Variants in ANKRD26 observed in about 807,000 individuals in gnomAD.
ANKRD26 encodes ankyrin repeat domain 26, also known as ankyrin repeat domain-containing protein 26.
In ANKRD26, 141 loss-of-function variants were observed where a neutral mutation model predicts 208.7. The observed-to-expected ratio is 0.68, with a 90% CI of 0.59 to 0.78. The LOEUF (loss-of-function observed/expected upper bound fraction) is 0.78, where lower values mean the gene tolerates loss of function less well. Among genes scored for constraint, ANKRD26 ranks in the 30% least tolerant of loss-of-function variants. ANKRD26 has a pLI of 0.00. For synonymous variants in ANKRD26, 636 were observed against 660.4 expected (o/e 0.96, Z 0.57); for missense variants, 1,889 against 1,938.7 (o/e 0.97, Z 0.48).
chr10:27,022,647 C>A lies in ANKRD26; in HGVS notation c.4126G>T (p.Glu1376Ter). 1 of 1,581,614 alleles carries A rather than the reference C, an allele frequency of 6.3e-7. No individual in the cohort carries two copies. The highest frequency in any genetic ancestry group is 1.1e-5 in the South Asian group (1 of 90,176). Residue 1376 changes from glutamate (E) to a stop codon, truncating the protein, a stop_gained, in exon 29 of 34, where the codon GAA becomes TAA. Coordinates refer to ENST00000376087, the MANE Select transcript of ANKRD26 (RefSeq NM_014915.3). LOFTEE classifies it high-confidence loss of function. ...AAACTAAATTCTCCATTTTCATATTCATTTAACTTCTTTCTTGTCATTTTT... is the reference window on the plus strand; with the variant it reads ...AAACTAAATTCTCCATTTTCATATTAATTTAACTTCTTTCTTGTCATTTTT... ...LLKMTRKKLN[E>*]YENGEFSFHG...
chr10:26,948,424 A>T, the ANKRD26 span, among the ~76,000 whole-genome samples: 1 of 152,214 alleles, frequency 6.6e-6, no homozygotes, highest in Non-Finnish European at 1.5e-5. Flanking sequence ...CTCAGACTTC[A>T]TTCGGGAAAA....
chr10:26,956,816 T>C, the ANKRD26 span, among the ~76,000 whole-genome samples: 50,320 of 151,982 alleles, frequency 0.33, 10,603 homozygotes, highest in Non-Finnish European at 0.47. Context: ...CTTATGCAAA[T>C]AGAATTATTT....
intron 1 of ANKRD26, among the ~76,000 whole-genome samples, chr10:27,099,695 T>C (rs1257470502): frequency 6.6e-6 from 1 of 152,236 alleles, no homozygotes; most frequent in East Asian, 1.9e-4. Flanking sequence ...ACAGATTTTA[T>C]AGAAATAATT....
chr10:27,014,809 A>G (rs2053237171), intron 30 of ANKRD26, 98 bp from the exon 31 acceptor site: 9 of 935,954 alleles, frequency 9.6e-6, no homozygotes, highest in Non-Finnish European at 1.5e-5. Context: ...TTTTAACCCA[A>G]ACTCCAAAAA....
Position 27,046,386 on chromosome 10 carries a change from C to T in ANKRD26, c.1952G>A (p.Ser651Asn), listed in dbSNP as rs1271668370. 1.9e-6 allele frequency: 3 copies of T among 1,613,976 alleles called. No homozygotes were observed. Among genetic ancestry groups the T allele is most frequent in the East Asian group, 2.2e-5 (1 of 44,882 alleles). Residue 651 changes from serine (S) to asparagine (N), a missense_variant, in exon 18 of 34, where the codon AGC becomes AAC. This residue lies in a region of ANKRD26 where 1,272 missense variants were observed against 1,273.8 expected (regional missense o/e 1.00). Transcript: ENST00000376087. ...ATCCTCATCTATTTCACTTAAACTGCTGTCATCATCCACTTGTAGCAGGCC... is the reference window on the plus strand; with the variant it reads ...ATCCTCATCTATTTCACTTAAACTGTTGTCATCATCCACTTGTAGCAGGCC... Reference protein sequence around the residue: ...TGGLLQVDDDSSLSEIDEDEG... With the variant: ...TGGLLQVDDDNSLSEIDEDEG...
At chr10:27,008,921 C>T (rs1024068106) in intron 32 of ANKRD26, among the ~76,000 whole-genome samples, 1 of 152,104 alleles carries the variant, frequency 6.6e-6, no homozygotes, top group Non-Finnish European at 1.5e-5. Context: ...CTCACTGTAA[C>T]CTCTGCCTCC....
chr10:26,980,910 A>G (rs2052297751), intron 4 of ANKRD26, among the ~76,000 whole-genome samples: 1 of 152,192 alleles, frequency 6.6e-6, no homozygotes, highest in Non-Finnish European at 1.5e-5. Context: ...ATAAAGCACT[A>G]GAGAGTTATC....
At chr10:26,952,556 A>G in the ANKRD26 span, among the ~76,000 whole-genome samples, 2 of 152,138 alleles carry the variant, frequency 1.3e-5, no homozygotes, top group African/African-American at 4.8e-5. Context: ...TTCCAATAAA[A>G]CTGATACTGA....
intron 20 of ANKRD26, 95 bp downstream of exon 20, chr10:27,043,325 GAAGCAC>G: frequency 7.4e-7 from 1 of 1,353,936 alleles, no homozygotes; most frequent in Non-Finnish European, 1.0e-6. Flanking sequence ...AGCCACCAAT[GAAGCAC>G]TGCAAAATGT....
At chr10:27,069,696 A>ATT (rs1218299830) in intron 9 of ANKRD26, among the ~76,000 whole-genome samples, 9 of 152,246 alleles carry the variant, frequency 5.9e-5, no homozygotes. Flanking sequence ...TCTTAAGTAG[A>ATT]TAAATATTTG....
chr10:26,949,886 CTTTGAG>C, the ANKRD26 span, among the ~76,000 whole-genome samples: 4 of 152,176 alleles, frequency 2.6e-5, no homozygotes, highest in African/African-American at 9.7e-5. Flanking sequence ...CCTTTGATAT[CTTTGAG>C]TTTATCACCT....
At chr10:26,988,264 CTA>C (rs1260476659), downstream of ANKRD26, among the ~76,000 whole-genome samples, 1 of 152,148 alleles carries the variant, frequency 6.6e-6, no homozygotes, top group African/African-American at 2.4e-5. Context: ...TCTCACTCTA[CTA>C]GGGTTAATAC....
intron 9 of ANKRD26, among the ~76,000 whole-genome samples, chr10:27,074,795 G>T (rs907076378): frequency 4.0e-5 from 6 of 151,454 alleles, no homozygotes; most frequent in Admixed American, 2.6e-4. Flanking sequence ...AAAATAAAAA[G>T]AATAAAATAA....
At chr10:27,060,266 G>A in intron 15 of ANKRD26, 79 bp downstream of exon 15, 1 of 1,316,754 alleles carries the variant, frequency 7.6e-7, no homozygotes, top group Non-Finnish European at 1.1e-6. Context: ...TTAGGAATAA[G>A]AAAACTGTGA....
At chr10:26,987,500 T>G (rs1184102456), downstream of ANKRD26, among the ~76,000 whole-genome samples, 1 of 152,184 alleles carries the variant, frequency 6.6e-6, no homozygotes, top group African/African-American at 2.4e-5. Flanking sequence ...AACCACGGCA[T>G]AGCCTGTTCT....
intron 25 of ANKRD26, chr10:27,030,516 G>C: frequency 1.0e-6 from 1 of 985,402 alleles, no homozygotes; most frequent in African/African-American, 1.7e-5. Flanking sequence ...TGGGCTTAAG[G>C]CTAAGGTTAT....
intron 15 of ANKRD26, among the ~76,000 whole-genome samples, chr10:27,056,514 A>C (rs1368742709): frequency 6.6e-6 from 1 of 151,142 alleles, no homozygotes; most frequent in Non-Finnish European, 1.5e-5. Flanking sequence ...GCAAGGTTAC[A>C]TGCCTGTAAT....
chr10:27,023,978 C>CCACACACACACACACACACA, intron 28 of ANKRD26, among the ~76,000 whole-genome samples: 1 of 26,768 alleles, frequency 3.7e-5, no homozygotes, highest in African/African-American at 8.8e-5. Flanking sequence ...TATTTTATTA[C>CCACACACACACACACACACA]TACACACACA....
chr10:27,030,411 G>A (rs1373519993), intron 25 of ANKRD26: 37 of 985,280 alleles, frequency 3.8e-5, no homozygotes, highest in Non-Finnish European at 4.5e-5. Flanking sequence ...CAGAGCACTG[G>A]ACTGAAAACA....
Sources: allele counts gnomAD v4.1 joint callset (sites outside exome capture counted in the v4.1 genomes callset), GRCh38; gene constraint gnomAD v4.1.1; regional missense constraint gnomAD v4.1.1; transcripts MANE v1.5; gene names NCBI Gene and HGNC (gene_info 2026-07-23, HGNC 2026-07-21).